The following GNAS-AS1 variants were observed in gnomAD, a reference collection of about 807,000 sequenced individuals.
GNAS-AS1 encodes GNAS antisense RNA 1, also known as GNAS antisense RNA 1 (non-protein coding).
chr20:58,825,121 CTTA>C (rs1470613106), intron 4 of GNAS-AS1, among the ~76,000 whole-genome samples: 1 of 152,222 alleles, frequency 6.6e-6, no homozygotes, highest in East Asian at 1.9e-4. Flanking sequence ...CATCTGTTGA[CTTA>C]TTATTAGACA....
chr20:58,838,644 G>A (rs1475438093), intron 4 of GNAS-AS1: 7 of 193,488 alleles, frequency 3.6e-5, no homozygotes, highest in Non-Finnish European at 6.2e-5. Flanking sequence ...GGAGCCGGGC[G>A]CGGTGGCTCA....
intron 2 of GNAS-AS1, among the ~76,000 whole-genome samples, chr20:58,843,141 C>G (rs1311625865): frequency 6.6e-6 from 1 of 152,030 alleles, no homozygotes; most frequent in Non-Finnish European, 1.5e-5. Flanking sequence ...CATTACAGCC[C>G]AATTGTAAAA....
rs577465140 is a variant in GNAS-AS1 at position 58,850,886 on chromosome 20, C to T, written n.18G>A. ...CCCCAGCAGCACCTCTTCGGGCGTT[C>T]CAACGCGGCGCCCCCTATTGGACCT... is the stretch of plus-strand genomic sequence containing the variant. On this transcript the variant is annotated non_coding_transcript_exon_variant, in exon 1 of 5. Transcript: ENST00000424094. 43 of 398,782 alleles carry T rather than the reference C, an allele frequency of 1.1e-4. 1 individual carries two copies. In the South Asian group the frequency reaches 3.7e-3, roughly 34 times the overall value. The allele number at this position is 398,782 out of a possible 1,614,324, so 24.7% of individuals were successfully genotyped here. A position where few individuals can be genotyped will look rare whatever the true frequency, so the allele number is the denominator to read the frequency against.
chr20:58,843,222 C>T (rs2145488185), intron 2 of GNAS-AS1: 2 of 148,174 alleles, frequency 1.3e-5, no homozygotes, highest in African/African-American at 5.1e-5. Flanking sequence ...CTCCCCCGCT[C>T]AATTCCCCTC....
chr20:58,823,944 T>C (rs1279352717), intron 4 of GNAS-AS1: 2 of 398,502 alleles, frequency 5.0e-6, no homozygotes, highest in East Asian at 3.6e-5. Flanking sequence ...TCCAGCACAA[T>C]GCCCAGCACA....
At chr20:58,845,346 C>T (rs6026557) in intron 2 of GNAS-AS1, among the ~76,000 whole-genome samples, 10 of 151,882 alleles carry the variant, frequency 6.6e-5, no homozygotes, top group African/African-American at 2.4e-4. Flanking sequence ...CTCCCCTCTT[C>T]GCTTCTTCAG....
intron 2 of GNAS-AS1, among the ~76,000 whole-genome samples, chr20:58,848,287 G>A (rs1443944275): frequency 6.6e-6 from 1 of 152,114 alleles, no homozygotes; most frequent in Non-Finnish European, 1.5e-5. Context: ...TCATCTCACT[G>A]CAGCCCTACA....
intron 2 of GNAS-AS1, among the ~76,000 whole-genome samples, chr20:58,847,289 C>T (rs2085974948): frequency 6.6e-6 from 1 of 151,788 alleles, no homozygotes; most frequent in Non-Finnish European, 1.5e-5. Flanking sequence ...GGTATCTTGC[C>T]TCATCCATTT....
intron 4 of GNAS-AS1, among the ~76,000 whole-genome samples, chr20:58,820,220 G>T (rs145283737): frequency 1.3e-5 from 2 of 152,222 alleles, no homozygotes; most frequent in East Asian, 3.9e-4. Flanking sequence ...GGTGCTGACC[G>T]CTGAGCCACA....
At chr20:58,822,186 C>T (rs2085491430) in intron 4 of GNAS-AS1, among the ~76,000 whole-genome samples, 1 of 152,248 alleles carries the variant, frequency 6.6e-6, no homozygotes, top group Non-Finnish European at 1.5e-5. Flanking sequence ...AATGTCACAG[C>T]AAAGGCAAGG....
intron 2 of GNAS-AS1, among the ~76,000 whole-genome samples, chr20:58,845,722 A>G (rs1198913622): frequency 6.6e-6 from 1 of 152,188 alleles, no homozygotes; most frequent in Non-Finnish European, 1.5e-5. Flanking sequence ...TCCAATAGCT[A>G]TGCTGGTCCA....
chr20:58,830,645 ACACCACCAT>A (rs1471743157), intron 4 of GNAS-AS1, among the ~76,000 whole-genome samples: 146 of 51,384 alleles, frequency 2.8e-3, no homozygotes, highest in African/African-American at 1.0e-2. Flanking sequence ...CCACACCACC[ACACCACCAT>A]CACCACCACC....
intron 2 of GNAS-AS1, among the ~76,000 whole-genome samples, chr20:58,848,288 C>G (rs1033809339): frequency 6.6e-6 from 1 of 152,190 alleles, no homozygotes; most frequent in African/African-American, 2.4e-5. Context: ...CATCTCACTG[C>G]AGCCCTACAC....
At chr20:58,838,362 C>T (rs758820927) in intron 4 of GNAS-AS1, among the ~76,000 whole-genome samples, 1 of 152,192 alleles carries the variant, frequency 6.6e-6, no homozygotes, top group Non-Finnish European at 1.5e-5. Context: ...TACAACAACA[C>T]GATCTAGTGG....
intron 4 of GNAS-AS1, chr20:58,839,983 G>A: frequency 9.7e-7 from 1 of 1,033,188 alleles, no homozygotes; most frequent in Non-Finnish European, 1.5e-6. Flanking sequence ...GTGAGGCTGG[G>A]ACCTCCGGGC....
At chr20:58,843,109 C>T (rs1361696633) in intron 2 of GNAS-AS1, among the ~76,000 whole-genome samples, 1 of 152,090 alleles carries the variant, frequency 6.6e-6, no homozygotes, top group Non-Finnish European at 1.5e-5. Flanking sequence ...AGACAGTCTT[C>T]CACAAACTGC....
At chr20:58,839,105 A>G (rs577618962) in intron 4 of GNAS-AS1, 12 of 398,464 alleles carry the variant, frequency 3.0e-5, no homozygotes, top group East Asian at 1.8e-4. Flanking sequence ...TCTCAGCTCA[A>G]TCGAGCTCAG....
At chr20:58,837,989 C>T (rs1036365861) in intron 4 of GNAS-AS1, among the ~76,000 whole-genome samples, 41 of 152,280 alleles carry the variant, frequency 2.7e-4, no homozygotes, top group African/African-American at 8.9e-4. Flanking sequence ...GTACCAGTAC[C>T]AGGAGGGCCT....
intron 4 of GNAS-AS1, chr20:58,839,958 T>G: frequency 1.3e-6 from 1 of 766,748 alleles, no homozygotes; most frequent in South Asian, 1.7e-5. Flanking sequence ...CTTCCCTTTT[T>G]CTCCTCACAA....
Sources: allele counts gnomAD v4.1 joint callset (sites outside exome capture counted in the v4.1 genomes callset), GRCh38; gene constraint gnomAD v4.1.1; transcripts MANE v1.5; gene names NCBI Gene and HGNC (gene_info 2026-07-23, HGNC 2026-07-21).